Variants in TOMM22 observed in about 807,000 individuals in gnomAD.
TOMM22 encodes translocase of outer mitochondrial membrane 22, also known as mitochondrial import receptor subunit TOM22 homolog.
Under a neutral mutation model 17.1 loss-of-function variants are expected in TOMM22, and 3 were observed. The ratio of observed to expected loss-of-function variants is 0.18; its 90% CI spans 0.08 to 0.45. The LOEUF is 0.45. Among genes scored for constraint, TOMM22 ranks in the 20% least tolerant of loss-of-function variants. TOMM22 has a pLI of 0.99. For synonymous variants in TOMM22, 91 were observed against 74.0 expected, an observed-to-expected ratio of 1.23 and a Z score of -1.18; for missense variants, 159 against 179.5, an observed-to-expected ratio of 0.89 and a Z score of 0.65.
rs2092479248 is a variant in TOMM22, at chr22:38,681,964, G to T, written c.-15G>T. Reference sequence around the variant, plus strand: ...TGCGCTCACCTCCTTTCCGCTTCCGGTGTCCCCTACAGTCATGGCTGCCGC... The same window carrying T: ...TGCGCTCACCTCCTTTCCGCTTCCGTTGTCCCCTACAGTCATGGCTGCCGC... On this transcript the variant is annotated 5_prime_UTR_variant, in exon 1 of 4. Transcript: ENST00000216034. The T allele has an allele frequency of 6.2e-7, 1 of 1,600,620 alleles. No homozygotes were observed. The highest frequency in any genetic ancestry group is 8.5e-7 in the Non-Finnish European group (1 of 1,169,776).
At position 38,683,749 on chromosome 22, in the gene TOMM22, C is replaced by A; in HGVS notation, c.355-18C>A. 6.2e-7 allele frequency: 1 copy of A among 1,609,756 alleles called. No homozygotes were observed. Among genetic ancestry groups the A allele is most frequent in the Non-Finnish European group, 8.5e-7 (1 of 1,176,136 alleles). On this transcript the variant is annotated intron_variant, in intron 3 of 3. Coordinates refer to ENST00000216034, the MANE Select transcript of TOMM22 (RefSeq NM_020243.5). ...CTAGGCCTGTATGATGCCTTACACC[C>A]CTCCTTTTCTTTTCCAGATACTTCT... is the stretch of plus-strand genomic sequence containing the variant.
chr22:38,682,122 C>T, intron 1 of TOMM22, 27 bp downstream of exon 1: 4 of 1,552,272 alleles, frequency 2.6e-6, no homozygotes, highest in South Asian at 1.2e-5. Context: ...GGGTGCAGAG[C>T]GGGAAGCGGG....
At position 38,684,198 on chromosome 22, in the gene TOMM22, CTGTT is replaced by C. The variant is rs954753611; in HGVS notation, c.*359_*362del. The stretch of plus-strand genomic sequence containing the variant: ...GGGATGTGCCCCTGACCATTAACGA[CTGTT>C]TTTTTTTTTTTTTTTTAAAGAATGG... On this transcript the variant is annotated 3_prime_UTR_variant, in exon 4 of 4. Coordinates refer to ENST00000216034, the MANE Select transcript of TOMM22 (RefSeq NM_020243.5). 2.0e-5 allele frequency: 4 copies of C among 195,602 alleles called. No individual in the cohort carries two copies. The highest frequency in any genetic ancestry group is 2.3e-4 in the East Asian group (2 of 8,846). The allele number at this position is 195,602 out of a possible 1,614,324, so 12.1% of individuals were successfully genotyped here.
intron 3 of TOMM22, among the ~76,000 whole-genome samples, chr22:38,683,455 G>C (rs1031977895): frequency 6.6e-6 from 1 of 152,150 alleles, no homozygotes; most frequent in African/African-American, 2.4e-5. Flanking sequence ...TAATGTGAGC[G>C]ATGGTGAACA....
intron 3 of TOMM22, 127 bp downstream of exon 3, chr22:38,683,123 GT>G: frequency 4.7e-6 from 2 of 423,166 alleles, no homozygotes; most frequent in Non-Finnish European, 4.1e-6. Flanking sequence ...TGGATGGTGG[GT>G]TGGGGGTGGC....
At position 38,684,240 on chromosome 22, in the gene TOMM22, A is replaced by G. The variant is rs1056661; in HGVS notation, c.*399A>G. On this transcript the variant is annotated 3_prime_UTR_variant, in exon 4 of 4. Coordinates refer to ENST00000216034, the MANE Select transcript of TOMM22 (RefSeq NM_020243.5). ...TTTTAAAGAATGGAGTTGTTGGGGC[A>G]GGACATGCACACAATGTGAAACAGA... 0.41 allele frequency: 73,067 copies of G among 178,902 alleles called. 16,516 individuals carry two copies. Among genetic ancestry groups the G allele is most frequent in the African/African-American group, 0.61 (25,226 of 41,532 alleles). The allele number at this position is 178,902 out of a possible 1,614,324, so 11.1% of individuals were successfully genotyped here.
At position 38,682,245 on chromosome 22, in the gene TOMM22, C is replaced by T. The variant is rs2092480935; in HGVS notation, c.118-78C>T. The T allele has an allele frequency of 1.6e-5, 25 of 1,543,886 alleles. 1 individual carries two copies. In the South Asian group the frequency reaches 2.6e-4, roughly 16 times the overall value. ...TGGGTGCCCTAGCTCCAGTGGGGCT[C>T]GGCGGCTCCCAGTGCCGCAGCGGGG... On this transcript the variant is annotated intron_variant, in intron 1 of 3. Coordinates refer to ENST00000216034, the MANE Select transcript of TOMM22 (RefSeq NM_020243.5).
chr22:38,682,211 G>C, intron 1 of TOMM22, 112 bp from the exon 2 acceptor site: 1 of 1,487,636 alleles, frequency 6.7e-7, no homozygotes, highest in Non-Finnish European at 9.2e-7. Context: ...TAGGGGCCCT[G>C]CTGGGCCCTG....
rs763718797 is a variant in TOMM22, at chr22:38,682,368, T to C, written c.163T>C (p.Phe55Leu). 1 of 1,614,192 alleles carries C rather than the reference T, an allele frequency of 6.2e-7. No homozygotes were observed. Among genetic ancestry groups the C allele is most frequent in the Non-Finnish European group, 8.5e-7 (1 of 1,180,028 alleles). Residue 55 changes from phenylalanine (F) to leucine (L), a missense_variant, in exon 2 of 4, where the codon TTT becomes CTT. Physicochemically the swap from Phe to Leu is conservative, Grantham distance 22 (BLOSUM62 0). Around this residue, in one of 3 missense-constraint regions of TOMM22, gnomAD observed 107 missense variants for 100.2 expected, o/e 1.07. Transcript: ENST00000216034. The stretch of plus-strand genomic sequence containing the variant: ...GAGACTATGGGGCCTGACGGAGATG[T>C]TTCCGGAGAGGGTCCGGTCCGCGGC... ...SERLWGLTEMFPERVRSAAGA... is the reference protein window; with the variant it reads ...SERLWGLTEMLPERVRSAAGA...
In TOMM22 at chr22:38,685,130, AGGT is replaced by A. The variant is rs1445549077; in HGVS notation, c.*1293_*1295del. 1 of 152,210 alleles carries A rather than the reference AGGT, an allele frequency of 6.6e-6. No individual in the cohort carries two copies. Among genetic ancestry groups the A allele is most frequent in the Non-Finnish European group, 1.5e-5 (1 of 68,038 alleles). The allele number at this position is 152,210 out of a possible 1,614,324, so 9.4% of individuals were successfully genotyped here. ...ATCAGATCAACCAACACTACAATCT[AGGT>A]GGTACTGTTCCCATTTTACAGAAGA... On this transcript the variant is annotated 3_prime_UTR_variant, in exon 4 of 4. Coordinates refer to ENST00000216034, the MANE Select transcript of TOMM22 (RefSeq NM_020243.5).
chr22:38,684,747 GTA>G lies in TOMM22; in HGVS notation c.*908_*909del, dbSNP rs2092490982. 1 of 151,752 alleles carries G rather than the reference GTA, an allele frequency of 6.6e-6. No individual in the cohort carries two copies. Among genetic ancestry groups the G allele is most frequent in the African/African-American group, 2.4e-5 (1 of 41,324 alleles). 9.4% of individuals were successfully genotyped at this position (151,752 alleles called of 1,614,324 possible). The stretch of plus-strand genomic sequence containing the variant: ...TATAATGACACTGTGTAATTATAAA[GTA>G]TTTGTAGGGAATAACATAGTACTGA... On this transcript the variant is annotated 3_prime_UTR_variant, in exon 4 of 4. Transcript: ENST00000216034.
Position 38,682,038 on chromosome 22 carries a change from C to T in TOMM22, c.60C>T (p.Leu20=), listed in dbSNP as rs780830757. 7 of 1,607,894 alleles carry T rather than the reference C, an allele frequency of 4.4e-6. No individual in the cohort carries two copies. Among genetic ancestry groups the T allele is most frequent in the Middle Eastern group, 1.7e-4 (1 of 6,054 alleles). ...AGEPQSPDEL[L]PKGDAEKPEE... is the part of the protein sequence containing the mutation. ...AACCCCAGTCCCCGGACGAATTGCT[C>T]CCGAAAGGCGACGCGGAGAAGCCTG... is the stretch of plus-strand genomic sequence containing the variant. Residue 20 remains leucine, a synonymous_variant, in exon 1 of 4, where the codon CTC becomes CTT. Coordinates refer to ENST00000216034, the MANE Select transcript of TOMM22 (RefSeq NM_020243.5).
Position 38,682,403 on chromosome 22 carries a change from T to G in TOMM22, c.198T>G (p.Thr66=). The change falls in exon 2 of 4, where the codon ACT becomes ACG. Residue 66 remains threonine, a synonymous_variant. Coordinates refer to ENST00000216034, the MANE Select transcript of TOMM22 (RefSeq NM_020243.5). ...PERVRSAAGA[T]FDLSLFVAQK... ...GGGTCCGGTCCGCGGCCGGAGCCAC[T>G]TTTGATCTTTCCCTCTTTGTGGCTC... is the stretch of plus-strand genomic sequence containing the variant. 6.2e-7 allele frequency: 1 copy of G among 1,614,200 alleles called. No homozygotes were observed. The highest frequency in any genetic ancestry group is 8.5e-7 in the Non-Finnish European group (1 of 1,180,022).
chr22:38,682,200 T>C (rs548460726), intron 1 of TOMM22, 105 bp downstream of exon 1: 717 of 1,474,820 alleles, frequency 4.9e-4, no homozygotes, highest in Non-Finnish European at 1.9e-4. Context: ...GGAGGCGGGG[T>C]TAGGGGCCCT....
chr22:38,682,397 A>C lies in TOMM22; in HGVS notation c.192A>C (p.Gly64=). Residue 64 remains glycine (G), a synonymous_variant, in exon 2 of 4, where the codon GGA becomes GGC. Transcript: ENST00000216034. ...MFPERVRSAA[G]ATFDLSLFVA... ...CGGAGAGGGTCCGGTCCGCGGCCGGAGCCACTTTTGATCTTTCCCTCTTTG... is the reference window on the plus strand; with the variant it reads ...CGGAGAGGGTCCGGTCCGCGGCCGGCGCCACTTTTGATCTTTCCCTCTTTG... The C allele has an allele frequency of 6.2e-7, 1 of 1,614,164 alleles. No individual in the cohort carries two copies. Among genetic ancestry groups the C allele is most frequent in the East Asian group, 2.2e-5 (1 of 44,876 alleles).
chr22:38,682,331 G>C lies in TOMM22; in HGVS notation c.126G>C (p.Glu42Asp), dbSNP rs1286378614. Residue 42 changes from glutamate (E) to aspartate (D), a missense_variant, in exon 2 of 4, where the codon GAG becomes GAC. Physicochemically the swap from Glu to Asp is conservative, Grantham distance 45 (BLOSUM62 2). Coordinates refer to ENST00000216034, the MANE Select transcript of TOMM22 (RefSeq NM_020243.5). ...CGTCTACTCCACCACAGCTAGATGA[G>C]ACCCTGTCGGAGAGACTATGGGGCC... ...LEEDDDEELD[E>D]TLSERLWGLT... 6.2e-7 allele frequency: 1 copy of C among 1,614,136 alleles called. No homozygotes were observed. The highest frequency in any genetic ancestry group is 1.7e-5 in the Admixed American group (1 of 60,028).
intron 2 of TOMM22, 30 bp from the exon 3 acceptor site, chr22:38,682,849 T>C: frequency 6.2e-7 from 1 of 1,600,588 alleles, no homozygotes; most frequent in Non-Finnish European, 8.6e-7. Context: ...CATGTCTTCA[T>C]GCTCACCCTC....
Position 38,682,010 on chromosome 22 carries a change from G to T in TOMM22, c.32G>T (p.Gly11Val). Reference protein sequence around the residue: MAAAVAAAGAGEPQSPDELLP... With the variant: MAAAVAAAGAVEPQSPDELLP... ...GCCGCCGTCGCTGCTGCCGGTGCAGGGGAACCCCAGTCCCCGGACGAATTG... is the reference window on the plus strand; with the variant it reads ...GCCGCCGTCGCTGCTGCCGGTGCAGTGGAACCCCAGTCCCCGGACGAATTG... Residue 11 changes from glycine (G) to valine (V), a missense_variant, in exon 1 of 4, where the codon GGG becomes GTG. By Grantham distance (109) the Gly-to-Val change is moderately radical (BLOSUM62 -3). This residue lies in a region of TOMM22 where 107 missense variants were observed against 100.2 expected (regional missense o/e 1.07). Transcript: ENST00000216034. 6.2e-7 allele frequency: 1 copy of T among 1,611,746 alleles called. No homozygotes were observed. Among genetic ancestry groups the T allele is most frequent in the East Asian group, 2.2e-5 (1 of 44,770 alleles).
Position 38,684,241 on chromosome 22 carries a change from G to C in TOMM22, c.*400G>C, listed in dbSNP as rs2092489198. ...TTTAAAGAATGGAGTTGTTGGGGCAGGACATGCACACAATGTGAAACAGAC... is the reference window on the plus strand; with the variant it reads ...TTTAAAGAATGGAGTTGTTGGGGCACGACATGCACACAATGTGAAACAGAC... On this transcript the variant is annotated 3_prime_UTR_variant, in exon 4 of 4. Coordinates refer to ENST00000216034, the MANE Select transcript of TOMM22 (RefSeq NM_020243.5). 5.4e-6 allele frequency: 1 copy of C among 185,396 alleles called. No homozygotes were observed. The highest frequency in any genetic ancestry group is 1.1e-5 in the Non-Finnish European group (1 of 87,024). 11.5% of individuals were successfully genotyped at this position (185,396 alleles called of 1,614,324 possible).
Sources: allele counts gnomAD v4.1 joint callset (sites outside exome capture counted in the v4.1 genomes callset), GRCh38; gene constraint gnomAD v4.1.1; regional missense constraint gnomAD v4.1.1; transcripts MANE v1.5; gene names NCBI Gene and HGNC (gene_info 2026-07-23, HGNC 2026-07-21).